The following OSBPL3 variants were observed in gnomAD, a reference collection of about 807,000 sequenced individuals.
OSBPL3 encodes the protein oxysterol-binding protein-related protein 3.
OSBPL3 carries 65 observed loss-of-function variants against 120.1 expected under a neutral mutation model. The ratio of observed to expected loss-of-function variants is 0.54; its 90% CI spans 0.44 to 0.67. The LOEUF (loss-of-function observed/expected upper bound fraction) is 0.67. OSBPL3 is among the 30% of genes least tolerant of loss of function. The pLI is 0.00. For missense variants in OSBPL3, 1,004 were observed against 1,082.1 expected (o/e 0.93, Z 1.01); for synonymous variants, 416 against 402.6 (o/e 1.03, Z -0.40).
At chr7:24,812,928 G>A (rs1213291898) in intron 19 of OSBPL3, among the ~76,000 whole-genome samples, 2 of 152,196 alleles carry the variant, frequency 1.3e-5, no homozygotes, top group African/African-American at 2.4e-5. Context: ...CCCCAGAGTA[G>A]AGTGCAGTGG....
Position 24,806,922 on chromosome 7 carries a change from T to C in OSBPL3, c.2318-20A>G. On this transcript the variant is annotated intron_variant, in intron 20 of 22. Coordinates refer to ENST00000313367, the MANE Select transcript of OSBPL3 (RefSeq NM_015550.4). The surrounding 1 kb of genome is among the most constrained non-coding windows in gnomAD (Gnocchi z 5.2). ...TAGGATCTAAGAAGAAAATAAATCA[T>C]TCACCCCTAACTTGCATGTTACTTA... 5 of 1,598,514 alleles carry C rather than the reference T, an allele frequency of 3.1e-6. No homozygotes were observed. In the South Asian group the frequency reaches 5.6e-5, roughly 18 times the overall value.
rs1802047032 is a variant in OSBPL3, at chr7:24,871,127, T to A, written c.268-282A>T. On this transcript the variant is annotated intron_variant, in intron 4 of 22. Transcript: ENST00000313367. This position sits in a 1 kb window ranked among gnomAD's most constrained non-coding sequence, Gnocchi z 4.8. ...GCCAGGATGTGAGGAAACAAAAGAG[T>A]AAGCACCGTGGGTTGACTCCCATGG... Among the ~76,000 whole-genome samples, 1 of 151,958 alleles carries A rather than the reference T, an allele frequency of 6.6e-6. No homozygotes were observed.
intron 1 of OSBPL3, among the ~76,000 whole-genome samples, chr7:24,893,010 G>A (rs1311733701): frequency 6.6e-6 from 1 of 152,196 alleles, no homozygotes. Flanking sequence ...CTCAGACATT[G>A]CTGGTGGAAC....
Position 24,872,709 on chromosome 7 carries a change from C to CA in OSBPL3, c.97-641dup, listed in dbSNP as rs1246454513. Among the ~76,000 whole-genome samples, 2 of 152,022 alleles carry CA rather than the reference C, an allele frequency of 1.3e-5. No individual in the cohort carries two copies. Among genetic ancestry groups the CA allele is most frequent in the African/African-American group, 4.8e-5 (2 of 41,396 alleles). ...AAATTTGTTTTTTCCATCTTTGTTTCAAAAACTTTTCTTTCTTTGGCCAAT... is the reference window on the plus strand; with the variant it reads ...AAATTTGTTTTTTCCATCTTTGTTTCAAAAAACTTTTCTTTCTTTGGCCAAT... On this transcript the variant is annotated intron_variant, in intron 2 of 22. Coordinates refer to ENST00000313367, the MANE Select transcript of OSBPL3 (RefSeq NM_015550.4). This position sits in a 1 kb window ranked among gnomAD's most constrained non-coding sequence, Gnocchi z 4.1.
chr7:24,863,300 T>A lies in OSBPL3; in HGVS notation c.778-8A>T. On this transcript the variant is annotated splice_region_variant and splice_polypyrimidine_tract_variant and intron_variant, in intron 8 of 22. Transcript: ENST00000313367. The surrounding 1 kb of genome is among the most constrained non-coding windows in gnomAD (Gnocchi z 5.8). ...ACTTTCAAAAGATCCACCCTTTGTT[T>A]CAAAACAGGAAAGAGAGCACAGACA... The A allele has an allele frequency of 6.2e-7, 1 of 1,611,342 alleles. No homozygotes were observed. Among genetic ancestry groups the A allele is most frequent in the African/African-American group, 1.3e-5 (1 of 74,944 alleles).
At chr7:24,846,186 C>T (rs1798426293) in intron 12 of OSBPL3, among the ~76,000 whole-genome samples, 1 of 152,144 alleles carries the variant, frequency 6.6e-6, no homozygotes, top group Admixed American at 6.5e-5. Flanking sequence ...ATTTTAACTG[C>T]TGGAGCTTGA....
intron 9 of OSBPL3, among the ~76,000 whole-genome samples, 196 bp from the exon 10 acceptor site, chr7:24,861,965 C>A (rs1052575662): frequency 1.3e-5 from 2 of 151,016 alleles, no homozygotes; most frequent in African/African-American, 4.9e-5. Context: ...CCGCTCACTG[C>A]AAGCTCCACC....
chr7:24,920,458 T>C (rs962889837), intron 1 of OSBPL3, among the ~76,000 whole-genome samples: 2 of 151,838 alleles, frequency 1.3e-5, no homozygotes, highest in Non-Finnish European at 2.9e-5. Context: ...AGACAGAAAA[T>C]AGAAAAATGT....
chr7:24,852,691 A>C lies in OSBPL3; in HGVS notation c.1028-57T>G. 1 of 1,121,160 alleles carries C rather than the reference A, an allele frequency of 8.9e-7. No individual in the cohort carries two copies. Among genetic ancestry groups the C allele is most frequent in the Non-Finnish European group, 1.2e-6 (1 of 809,996 alleles). 69.5% of individuals were successfully genotyped at this position (1,121,160 alleles called of 1,614,324 possible). ...AAGGAGGCATAATTAAAAACAAAATACAGAAAAAAACATATCTCTTATAAA... is the reference window on the plus strand; with the variant it reads ...AAGGAGGCATAATTAAAAACAAAATCCAGAAAAAAACATATCTCTTATAAA... On this transcript the variant is annotated intron_variant, in intron 10 of 22. Coordinates refer to ENST00000313367, the MANE Select transcript of OSBPL3 (RefSeq NM_015550.4). The surrounding 1 kb of genome is among the most constrained non-coding windows in gnomAD (Gnocchi z 4.1).
At position 24,972,269 on chromosome 7, in the gene OSBPL3, A is replaced by C. The variant is rs1584768430; in HGVS notation, c.-150+7617T>G. Among the ~76,000 whole-genome samples, 2 of 152,240 alleles carry C rather than the reference A, an allele frequency of 1.3e-5. No homozygotes were observed. The highest frequency in any genetic ancestry group is 4.8e-5 in the African/African-American group (2 of 41,458). Reference sequence around the variant, plus strand: ...AAGGCCTCCTCCCACTCAGTTCTACATGGCCTCCAGCAATGGCAGAAAGAC... The same window carrying C: ...AAGGCCTCCTCCCACTCAGTTCTACCTGGCCTCCAGCAATGGCAGAAAGAC... On this transcript the variant is annotated intron_variant, in intron 1 of 22. Transcript: ENST00000313367. This position sits in a 1 kb window ranked among gnomAD's most constrained non-coding sequence, Gnocchi z 4.3.
intron 1 of OSBPL3, among the ~76,000 whole-genome samples, chr7:24,905,337 G>T (rs760252053): frequency 5.3e-5 from 8 of 152,056 alleles, no homozygotes; most frequent in Non-Finnish European, 7.4e-5. Context: ...TGCTAAATGG[G>T]TTCTGGATAC....
chr7:24,892,556 G>C lies in OSBPL3; in HGVS notation c.-84C>G. On this transcript the variant is annotated 5_prime_UTR_variant, in exon 2 of 23. Transcript: ENST00000313367. ...GAGAGTATGGAAGTCCCCAGTGGCA[G>C]GTGGTTTAGCTCTTATCCAAAGTAT... The C allele has an allele frequency of 6.5e-7, 1 of 1,546,096 alleles. No homozygotes were observed. Among genetic ancestry groups the C allele is most frequent in the East Asian group, 2.3e-5 (1 of 43,612 alleles).
rs1803416024 is a variant in OSBPL3, at chr7:24,879,931, C to G, written c.97-7862G>C. Among the ~76,000 whole-genome samples, 2 of 152,132 alleles carry G rather than the reference C, an allele frequency of 1.3e-5. No homozygotes were observed. Among genetic ancestry groups the G allele is most frequent in the South Asian group, 4.1e-4 (2 of 4,826 alleles). ...TTGTTAAATATTCCCCTAATTGTATCAAGCCCCTTAAAGCTACAAACAGCA... is the reference window on the plus strand; with the variant it reads ...TTGTTAAATATTCCCCTAATTGTATGAAGCCCCTTAAAGCTACAAACAGCA... On this transcript the variant is annotated intron_variant, in intron 2 of 22. Transcript: ENST00000313367. This position sits in a 1 kb window ranked among gnomAD's most constrained non-coding sequence, Gnocchi z 5.6.
rs1562863046 is a variant in OSBPL3 at position 24,871,995 on chromosome 7, A to C, written c.171T>G (p.Phe57Leu). 1 of 1,613,852 alleles carries C rather than the reference A, an allele frequency of 6.2e-7. No individual in the cohort carries two copies. The highest frequency in any genetic ancestry group is 1.3e-5 in the African/African-American group (1 of 74,876). The change falls in exon 3 of 23, where the codon TTT becomes TTG. Residue 57 changes from phenylalanine to leucine, a missense_variant. Physicochemically the swap from Phe to Leu is conservative, Grantham distance 22. Around this residue, in one of 4 missense-constraint regions of OSBPL3, gnomAD observed 255 missense variants for 248.7 expected, o/e 1.03. Coordinates refer to ENST00000313367, the MANE Select transcript of OSBPL3 (RefSeq NM_015550.4). This position sits in a 1 kb window ranked among gnomAD's most constrained non-coding sequence, Gnocchi z 4.8. ...AGGGCCACTTCCTCTTTTTCAGCAA[A>C]AATCCTTTCTGAACTGGTGGCTCCT... ...YTQEPPVQKGFLLKKRKWPLK... is the reference protein window; with the variant it reads ...YTQEPPVQKGLLLKKRKWPLK...
rs1805370986 is a variant in OSBPL3 at position 24,891,638 on chromosome 7, T to A, written c.96+739A>T. On this transcript the variant is annotated intron_variant, in intron 2 of 22. Coordinates refer to ENST00000313367, the MANE Select transcript of OSBPL3 (RefSeq NM_015550.4). The surrounding 1 kb of genome is among the most constrained non-coding windows in gnomAD (Gnocchi z 4.1). ...CTGCTGGGGGAAGAATTATAATGAT[T>A]AATGTGCATTTACTGCCACTGATCT... 6.6e-6 allele frequency among the ~76,000 whole-genome samples: 1 copy of A among 152,202 alleles called. No homozygotes were observed. Among genetic ancestry groups the A allele is most frequent in the African/African-American group, 2.4e-5 (1 of 41,446 alleles).
intron 1 of OSBPL3, among the ~76,000 whole-genome samples, chr7:24,901,240 T>C (rs1469380792): frequency 6.6e-6 from 1 of 150,602 alleles, no homozygotes; most frequent in Non-Finnish European, 1.5e-5. Context: ...GGCAGGAGAA[T>C]TGCTTGAACC....
In OSBPL3 at chr7:24,900,578, G is replaced by A. The variant is rs1049076292; in HGVS notation, c.-149-7957C>T. Among the ~76,000 whole-genome samples, 1 of 152,122 alleles carries A rather than the reference G, an allele frequency of 6.6e-6. No homozygotes were observed. Among genetic ancestry groups the A allele is most frequent in the Non-Finnish European group, 1.5e-5 (1 of 68,012 alleles). ...ACTGCTTAGCTACTCCTTAATCAAG[G>A]TATGGCAAGTACCAGACACATGTGC... On this transcript the variant is annotated intron_variant, in intron 1 of 22. Coordinates refer to ENST00000313367, the MANE Select transcript of OSBPL3 (RefSeq NM_015550.4). The surrounding 1 kb of genome is among the most constrained non-coding windows in gnomAD (Gnocchi z 4.5).
Position 24,936,890 on chromosome 7 carries a change from T to C in OSBPL3, c.-150+42996A>G, listed in dbSNP as rs1055392025. 2.0e-5 allele frequency among the ~76,000 whole-genome samples: 3 copies of C among 152,218 alleles called. No homozygotes were observed. Among genetic ancestry groups the C allele is most frequent in the Non-Finnish European group, 4.4e-5 (3 of 68,048 alleles). ...GAGAATGGAATAGGAAGATAAATTA[T>C]TGAGCTCTTAAAACTATATACCGGG... is the stretch of plus-strand genomic sequence containing the variant. On this transcript the variant is annotated intron_variant, in intron 1 of 22. Coordinates refer to ENST00000313367, the MANE Select transcript of OSBPL3 (RefSeq NM_015550.4). This position sits in a 1 kb window ranked among gnomAD's most constrained non-coding sequence, Gnocchi z 4.2.
chr7:24,887,759 C>T (rs943738352), intron 2 of OSBPL3, among the ~76,000 whole-genome samples: 5 of 152,172 alleles, frequency 3.3e-5, no homozygotes, highest in African/African-American at 7.2e-5. Flanking sequence ...GCTAAAAACA[C>T]GGCAATCTTT....
Sources: gnomAD v4.1 joint callset for allele counts (sites outside exome capture counted in the v4.1 genomes callset) on GRCh38, gnomAD v4.1.1 for gene constraint, gnomAD v4.1.1 regional missense constraint, Gnocchi (gnomAD v3.1) non-coding constraint, MANE v1.5 for transcripts, NCBI Gene and HGNC (gene_info 2026-07-23, HGNC 2026-07-21) for gene names.